SCAP: variants seen among roughly 807,000 people sequenced by gnomAD.
SCAP encodes sterol regulatory element-binding protein cleavage-activating protein.
Under a neutral mutation model 123.6 loss-of-function variants are expected in SCAP, and 65 were observed. That is an observed-to-expected ratio of 0.53 (90% CI 0.43 to 0.65). SCAP has a LOEUF of 0.65. Among genes scored for constraint, SCAP ranks in the 30% least tolerant of loss-of-function variants. The pLI is 0.00. For missense variants in SCAP, 1,398 were observed against 1,712.5 expected, an observed-to-expected ratio of 0.82 and a Z score of 3.24; for synonymous variants, 740 against 726.3, an observed-to-expected ratio of 1.02 and a Z score of -0.30.
rs751065512 is a variant in SCAP, at chr3:47,417,288, T to TAGCCCCTCTGCCCACCTCC, written c.2967_2970+15dup. On this transcript the variant is annotated intron_variant, in intron 17 of 22. Transcript: ENST00000265565. ...GGCGGACAGCCGCTCTGCCCACCTTTAGCCCCTCTGCCCACCTCCAGCCGG... is the reference window on the plus strand; with the variant it reads ...GGCGGACAGCCGCTCTGCCCACCTTTAGCCCCTCTGCCCACCTCCAGCCCCTCTGCCCACCTCCAGCCGG... 2.2e-5 allele frequency: 36 copies of TAGCCCCTCTGCCCACCTCC among 1,611,886 alleles called. No individual in the cohort carries two copies. The East Asian group carries it at 3.8e-4, about 17-fold the overall frequency.
chr3:47,467,886 C>A (rs1351513646), intron 1 of SCAP, among the ~76,000 whole-genome samples: 1 of 150,112 alleles, frequency 6.7e-6, no homozygotes, highest in East Asian at 2.0e-4. Flanking sequence ...TCCCCCCATC[C>A]CCCGGCAGGC....
At chr3:47,432,294 C>A (rs533144953) in intron 3 of SCAP, among the ~76,000 whole-genome samples, 1 of 115,046 alleles carries the variant, frequency 8.7e-6, no homozygotes, top group Non-Finnish European at 1.6e-5. Flanking sequence ...TCCAGCCTAG[C>A]GAAAGCAAGA....
chr3:47,414,650 C>T lies in SCAP; in HGVS notation c.3309G>A (p.Val1103=). 6.2e-7 allele frequency: 1 copy of T among 1,613,278 alleles called. No homozygotes were observed. The highest frequency in any genetic ancestry group is 1.1e-5 in the South Asian group (1 of 91,084). The change falls in exon 21 of 23, where the codon GTG becomes GTA. Residue 1103 remains valine (V), a splice_region_variant and synonymous_variant. Transcript: ENST00000265565. ...VTGSQDHTLR[V]FRLEDSCCLF... is the part of the protein sequence containing the mutation. Reference sequence around the variant, plus strand: ...GGCAGCACGAGTCCTCCAGACGGAACACCTGGGACAGGGATGGGCCTCAGG... The same window carrying T: ...GGCAGCACGAGTCCTCCAGACGGAATACCTGGGACAGGGATGGGCCTCAGG...
intron 1 of SCAP, among the ~76,000 whole-genome samples, chr3:47,447,716 AG>A (rs1428326704): frequency 6.6e-6 from 1 of 151,246 alleles, no homozygotes; most frequent in Non-Finnish European, 1.5e-5. Flanking sequence ...AAAAGAAAAA[AG>A]AAAAAAAGGC....
intron 3 of SCAP, chr3:47,434,713 TA>T: frequency 3.7e-6 from 1 of 268,896 alleles, no homozygotes. Flanking sequence ...GGCGCACACC[TA>T]CAGTCCCAGC....
In SCAP at chr3:47,467,726, A is replaced by G. The variant is rs527572368; in HGVS notation, c.-99+8073T>C. On this transcript the variant is annotated intron_variant, in intron 1 of 22. Coordinates refer to ENST00000265565, the MANE Select transcript of SCAP (RefSeq NM_012235.4). ...TTAGAAAATACAAATTGAAATCACAATGAGATACCAATTCCCACCCACTGG... is the reference window on the plus strand; with the variant it reads ...TTAGAAAATACAAATTGAAATCACAGTGAGATACCAATTCCCACCCACTGG... Among the ~76,000 whole-genome samples the G allele has an allele frequency of 5.3e-5, 8 of 152,318 alleles. No individual in the cohort carries two copies. In the East Asian group the frequency reaches 1.3e-3, roughly 26 times the overall value.
rs1705412110 is a variant in SCAP at position 47,413,695 on chromosome 3, C to CCTGA, written c.*155_*158dup. On this transcript the variant is annotated 3_prime_UTR_variant, in exon 23 of 23. Coordinates refer to ENST00000265565, the MANE Select transcript of SCAP (RefSeq NM_012235.4). ...AGAGACACAAGTAGCTCCCAAAGTG[C>CCTGA]CTGACAGATGATGATATGGTTTTTT... The CCTGA allele has an allele frequency of 2.8e-5, 28 of 1,000,178 alleles. No individual in the cohort carries two copies. In the South Asian group the frequency reaches 4.0e-4, roughly 14 times the overall value. 62.0% of individuals were successfully genotyped at this position (1,000,178 alleles called of 1,614,324 possible). A position where few individuals can be genotyped will look rare whatever the true frequency, so the allele number is the denominator to read the frequency against.
chr3:47,459,937 C>T (rs776522882), intron 1 of SCAP, among the ~76,000 whole-genome samples: 14 of 152,070 alleles, frequency 9.2e-5, no homozygotes, highest in African/African-American at 3.4e-4. Flanking sequence ...ACTCCCAGAG[C>T]GGCCATTTAT....
At chr3:47,453,508 A>C (rs897524319) in intron 1 of SCAP, among the ~76,000 whole-genome samples, 3 of 152,214 alleles carry the variant, frequency 2.0e-5, no homozygotes, top group Non-Finnish European at 4.4e-5. Context: ...GTACACTCAA[A>C]ATATACTGAA....
In SCAP at chr3:47,417,846, A is replaced by AGTGATAGGGGGCACGGGGGAGGGGG. The variant is rs1705671326; in HGVS notation, c.2448-21_2448-20insCCCCCTCCCCCGTGCCCCCTATCAC. 9.2e-7 allele frequency: 1 copy of AGTGATAGGGGGCACGGGGGAGGGGG among 1,081,692 alleles called. No homozygotes were observed. Among genetic ancestry groups the AGTGATAGGGGGCACGGGGGAGGGGG allele is most frequent in the African/African-American group, 3.4e-5 (1 of 29,484 alleles). 67.0% of individuals were successfully genotyped at this position (1,081,692 alleles called of 1,614,324 possible). ...TGCCTGCTGGGGGCCAGGAGGGCGG[A>AGTGATAGGGGGCACGGGGGAGGGGG]GTGAGAGGGGGCACGGGGGAGGGGG... is the stretch of plus-strand genomic sequence containing the variant. On this transcript the variant is annotated intron_variant, in intron 16 of 22. Transcript: ENST00000265565.
intron 1 of SCAP, among the ~76,000 whole-genome samples, chr3:47,464,882 A>G (rs1707768719): frequency 6.6e-6 from 1 of 151,968 alleles, no homozygotes; most frequent in African/African-American, 2.4e-5. Flanking sequence ...CCTAAAGATT[A>G]CACACACACA....
intron 1 of SCAP, among the ~76,000 whole-genome samples, chr3:47,471,232 T>A (rs1354794938): frequency 6.6e-6 from 1 of 152,032 alleles, no homozygotes. Context: ...TCAGAGGGAT[T>A]CAACAGTATA....
chr3:47,465,853 A>AG (rs1707806055), intron 1 of SCAP, among the ~76,000 whole-genome samples: 1 of 146,368 alleles, frequency 6.8e-6, no homozygotes, highest in Admixed American at 6.8e-5. Context: ...AAAAAAAAAA[A>AG]GCTGGGTGCA....
chr3:47,423,687 C>T (rs1239855793), intron 9 of SCAP, among the ~76,000 whole-genome samples: 2 of 152,218 alleles, frequency 1.3e-5, no homozygotes, highest in Non-Finnish European at 1.5e-5. Flanking sequence ...AGCCATGGCA[C>T]CCAGCCTGGT....
chr3:47,459,707 A>C (rs1707556668), intron 1 of SCAP, among the ~76,000 whole-genome samples: 1 of 152,240 alleles, frequency 6.6e-6, no homozygotes, highest in Admixed American at 6.5e-5. Flanking sequence ...CTGAGGAAAC[A>C]GGACAAAGGC....
Position 47,434,988 on chromosome 3 carries a change from G to A in SCAP, c.252+20C>T, listed in dbSNP as rs1706511779. 3 of 1,614,046 alleles carry A rather than the reference G, an allele frequency of 1.9e-6. No individual in the cohort carries two copies. Among genetic ancestry groups the A allele is most frequent in the Non-Finnish European group, 2.5e-6 (3 of 1,179,944 alleles). ...CACCCAACGCTCTGTGCTGGCCTCA[G>A]GAACATGACGAGTACCCACCCACTC... On this transcript the variant is annotated intron_variant, in intron 3 of 22. Coordinates refer to ENST00000265565, the MANE Select transcript of SCAP (RefSeq NM_012235.4).
chr3:47,435,495 C>T (rs1458957397), intron 2 of SCAP, among the ~76,000 whole-genome samples: 1 of 150,834 alleles, frequency 6.6e-6, no homozygotes, highest in East Asian at 1.9e-4. Flanking sequence ...CACACACACA[C>T]ACACACACAC....
chr3:47,426,628 G>A (rs890249154), intron 6 of SCAP, among the ~76,000 whole-genome samples: 2 of 151,902 alleles, frequency 1.3e-5, no homozygotes, highest in African/African-American at 2.4e-5. Context: ...TAGTAGAGAC[G>A]GGGTTTCACC....
chr3:47,414,722 C>T (rs1360300648), intron 20 of SCAP, 70 bp from the exon 21 acceptor site: 3 of 1,610,706 alleles, frequency 1.9e-6, no homozygotes, highest in Non-Finnish European at 2.5e-6. Flanking sequence ...TGGGAAATGC[C>T]CTCTGTTCTT....
Sources: allele counts gnomAD v4.1 joint callset (sites outside exome capture counted in the v4.1 genomes callset), GRCh38; gene constraint gnomAD v4.1.1; transcripts MANE v1.5; gene names NCBI Gene and HGNC (gene_info 2026-07-23, HGNC 2026-07-21).